Variants in RBFOX1 observed in about 807,000 individuals in gnomAD.
The protein encoded by RBFOX1 is RNA binding fox-1 homolog 1.
Under a neutral mutation model 57.7 loss-of-function variants are expected in RBFOX1, and 8 were observed. The ratio of observed to expected loss-of-function variants is 0.14; its 90% CI spans 0.08 to 0.25. The LOEUF is 0.25. RBFOX1 is among the 10% of genes least tolerant of loss of function. The probability of loss-of-function intolerance (pLI) is 1.00; values close to 1 mark genes in which losing one functional copy is unlikely to be tolerated. For synonymous variants in RBFOX1, 326 were observed against 222.4 expected (o/e 1.47, Z -4.15); for missense variants, 611 against 548.5 (o/e 1.11, Z -1.14).
chr16:7,150,703 T>G (rs2075945466), intron 4 of RBFOX1, among the ~76,000 whole-genome samples: 1 of 152,228 alleles, frequency 6.6e-6, no homozygotes, highest in Non-Finnish European at 1.5e-5. Flanking sequence ...AGTCAAAGAT[T>G]GTTTGGATAT....
At chr16:5,928,136 C>A (rs62013902) in intron 4 of RBFOX1, among the ~76,000 whole-genome samples, 1 of 151,904 alleles carries the variant, frequency 6.6e-6, no homozygotes, top group Admixed American at 6.6e-5. Context: ...CTCTGTCACC[C>A]AGGCTGGAGA....
At chr16:5,783,534 C>T (rs976938912) in intron 3 of RBFOX1, among the ~76,000 whole-genome samples, 2 of 152,182 alleles carry the variant, frequency 1.3e-5, no homozygotes, top group Non-Finnish European at 2.9e-5. Flanking sequence ...ATCCAGACAT[C>T]ACGTCTGTTT....
At chr16:6,009,816 C>CTGTGTGTGTGTGTGTGTGTG (rs148472437) in intron 4 of RBFOX1, among the ~76,000 whole-genome samples, 1,680 of 148,516 alleles carry the variant, frequency 0.011, 21 homozygotes, top group African/African-American at 0.026. Context: ...GTGTGTGTGT[C>CTGTGTGTGTGTGTGTGTGTG]TGTGTGTGTG....
chr16:7,047,537 G>T (rs553282277), intron 3 of RBFOX1, among the ~76,000 whole-genome samples: 1 of 151,370 alleles, frequency 6.6e-6, no homozygotes, highest in South Asian at 2.1e-4. Flanking sequence ...TGTGGATTTC[G>T]TTGATTTTAA....
intron 2 of RBFOX1, among the ~76,000 whole-genome samples, chr16:6,610,026 A>ACAAAG (rs777510458): frequency 1.3e-5 from 2 of 151,604 alleles, no homozygotes; most frequent in East Asian, 2.0e-4. Flanking sequence ...ACAAAACAAA[A>ACAAAG]CAAAACAAAA....
intron 2 of RBFOX1, among the ~76,000 whole-genome samples, chr16:6,595,474 G>C (rs945631181): frequency 4.6e-5 from 7 of 152,092 alleles, no homozygotes; most frequent in African/African-American, 1.4e-4. Flanking sequence ...CAAACATTTG[G>C]ATTGTTTCCA....
intron 4 of RBFOX1, among the ~76,000 whole-genome samples, chr16:5,922,730 C>G (rs1024992622): frequency 1.3e-5 from 2 of 152,176 alleles, no homozygotes; most frequent in African/African-American, 4.8e-5. Context: ...CTTCCAACCC[C>G]TCAATGTATT....
intron 4 of RBFOX1, among the ~76,000 whole-genome samples, chr16:5,906,173 C>G (rs1192621227): frequency 6.6e-6 from 1 of 152,148 alleles, no homozygotes; most frequent in Non-Finnish European, 1.5e-5. Flanking sequence ...TGGTGAAGTC[C>G]TAGGCCTCAG....
chr16:7,565,940 T>C (rs1330199425), intron 5 of RBFOX1, among the ~76,000 whole-genome samples: 1 of 152,110 alleles, frequency 6.6e-6, no homozygotes, highest in East Asian at 1.9e-4. Flanking sequence ...TTGGGGATGC[T>C]CGTGGATGAA....
chr16:6,077,439 G>A (rs536104278), intron 1 of RBFOX1, among the ~76,000 whole-genome samples: 10 of 152,278 alleles, frequency 6.6e-5, no homozygotes, highest in East Asian at 1.9e-4. Context: ...GTGATATTGC[G>A]TCACTGCTGC....
intron 3 of RBFOX1, among the ~76,000 whole-genome samples, chr16:6,763,485 G>A (rs913300849): frequency 1.6e-4 from 24 of 152,204 alleles, no homozygotes; most frequent in African/African-American, 5.8e-4. Flanking sequence ...AATGGCAGAT[G>A]TGTGATTTCT....
intron 4 of RBFOX1, among the ~76,000 whole-genome samples, chr16:7,253,487 A>C (rs2094564697): frequency 6.6e-6 from 1 of 152,104 alleles, no homozygotes; most frequent in African/African-American, 2.4e-5. Flanking sequence ...CTGCCTATCT[A>C]TACATCATTG....
intron 5 of RBFOX1, among the ~76,000 whole-genome samples, chr16:7,567,931 A>C (rs1258014143): frequency 6.6e-6 from 1 of 151,198 alleles, no homozygotes; most frequent in Non-Finnish European, 1.5e-5. Flanking sequence ...ATGGATACCT[A>C]AAATTAAAGC....
chr16:7,629,371 G>A (rs2060574995), intron 10 of RBFOX1, among the ~76,000 whole-genome samples: 1 of 152,086 alleles, frequency 6.6e-6, no homozygotes, highest in East Asian at 1.9e-4. Context: ...CATTCCCTAG[G>A]GCAAGTCTCC....
chr16:7,252,640 C>A (rs1054810558), intron 4 of RBFOX1, among the ~76,000 whole-genome samples: 1 of 151,054 alleles, frequency 6.6e-6, no homozygotes, highest in Non-Finnish European at 1.5e-5. Flanking sequence ...AGTTAACCTG[C>A]TTTACTCATT....
intron 1 of RBFOX1, among the ~76,000 whole-genome samples, chr16:6,166,041 T>C (rs2152754578): frequency 6.6e-6 from 1 of 152,294 alleles, no homozygotes; most frequent in South Asian, 2.1e-4. Flanking sequence ...GAGTGGAAAG[T>C]ATTCCTGCAA....
rs545622459 is a variant in RBFOX1, at chr16:6,007,933, C to G, written c.351+140598C>G. 3.9e-5 allele frequency among the ~76,000 whole-genome samples: 6 copies of G among 152,178 alleles called. No individual in the cohort carries two copies. The South Asian group carries it at 1.2e-3, about 32-fold the overall frequency. On this transcript the variant is annotated intron_variant, in intron 4 of 19. Transcript: ENST00000641259. ...TATCATTTAAGAAAGGTGATATGGG[C>G]CAGGTGCAGTGGCTCACATCTGTAA... is the stretch of plus-strand genomic sequence containing the variant.
chr16:7,599,637 A>ATTTTT (rs1568025531), intron 9 of RBFOX1, among the ~76,000 whole-genome samples: 17 of 44,568 alleles, frequency 3.8e-4, no homozygotes, highest in African/African-American at 1.0e-3. Flanking sequence ...ATTAATAAAG[A>ATTTTT]CTTTTTTTTT....
At chr16:7,474,097 G>A (rs2062120668) in intron 4 of RBFOX1, among the ~76,000 whole-genome samples, 1 of 152,102 alleles carries the variant, frequency 6.6e-6, no homozygotes, top group African/African-American at 2.4e-5. Flanking sequence ...GACCAGTCTG[G>A]CCAATACGGT....
Sources: gnomAD v4.1 joint callset for allele counts (sites outside exome capture counted in the v4.1 genomes callset) on GRCh38, gnomAD v4.1.1 for gene constraint, MANE v1.5 for transcripts, NCBI Gene and HGNC (gene_info 2026-07-23, HGNC 2026-07-21) for gene names.